COL25A1: variants seen among roughly 807,000 people sequenced by gnomAD.
COL25A1 encodes collagen type XXV alpha 1 chain, also known as collagen alpha-1(XXV) chain.
In COL25A1, 103 loss-of-function variants were observed where a neutral mutation model predicts 128.4. The ratio of observed to expected loss-of-function variants is 0.80; its 90% confidence interval spans 0.68 to 0.94. The LOEUF (loss-of-function observed/expected upper bound fraction) is 0.94. Among genes scored for constraint, COL25A1 ranks in the 40% least tolerant of loss-of-function variants. The probability of loss-of-function intolerance (pLI) is 0.00; values close to 1 mark genes in which losing one functional copy is unlikely to be tolerated. For synonymous variants in COL25A1, 279 were observed against 277.2 expected, an observed-to-expected ratio of 1.01 and a Z score of -0.06; for missense variants, 745 against 840.0, an observed-to-expected ratio of 0.89 and a Z score of 1.40.
chr4:109,238,294 G>A (rs1779605605), intron 3 of COL25A1, among the ~76,000 whole-genome samples: 1 of 151,988 alleles, frequency 6.6e-6, no homozygotes. Context: ...TTTAGGGAGA[G>A]AATAGCGAAA....
chr4:109,167,558 T>C (rs957993729), intron 3 of COL25A1, among the ~76,000 whole-genome samples: 3 of 152,128 alleles, frequency 2.0e-5, no homozygotes, highest in African/African-American at 7.2e-5. Flanking sequence ...TAATTACATT[T>C]GTAACTGTAA....
intron 3 of COL25A1, among the ~76,000 whole-genome samples, chr4:109,193,683 T>A (rs1775798511): frequency 6.6e-6 from 1 of 152,204 alleles, no homozygotes; most frequent in South Asian, 2.1e-4. Flanking sequence ...AGACCCCTAA[T>A]ATTTCATTGC....
chr4:109,283,230 C>T (rs946743418), intron 3 of COL25A1, among the ~76,000 whole-genome samples: 5 of 152,150 alleles, frequency 3.3e-5, no homozygotes, highest in Admixed American at 3.3e-4. Context: ...GGTCACTGAA[C>T]AAAATGCGAA....
chr4:108,977,234 G>A (rs547075215), intron 6 of COL25A1, among the ~76,000 whole-genome samples: 1 of 152,266 alleles, frequency 6.6e-6, no homozygotes, highest in East Asian at 1.9e-4. Flanking sequence ...GAATAGAGGA[G>A]GAGTGAGGAG....
At chr4:109,231,556 G>T (rs1336518832) in intron 3 of COL25A1, among the ~76,000 whole-genome samples, 1 of 152,166 alleles carries the variant, frequency 6.6e-6, no homozygotes, top group African/African-American at 2.4e-5. Flanking sequence ...TACATGACGT[G>T]AGGTGTGTGG....
At chr4:109,017,667 T>C (rs968383199) in intron 5 of COL25A1, among the ~76,000 whole-genome samples, 4 of 152,242 alleles carry the variant, frequency 2.6e-5, no homozygotes, top group Admixed American at 2.6e-4. Flanking sequence ...AGAAAAGTTG[T>C]AGTTTTAAAG....
chr4:108,913,947 G>A (rs2125888475), intron 13 of COL25A1, among the ~76,000 whole-genome samples: 1 of 152,292 alleles, frequency 6.6e-6, no homozygotes, highest in East Asian at 1.9e-4. Context: ...CGCGCATGGT[G>A]GGGGAAAGAA....
At chr4:109,296,096 T>C (rs918344951) in intron 3 of COL25A1, among the ~76,000 whole-genome samples, 3 of 152,078 alleles carry the variant, frequency 2.0e-5, no homozygotes, top group African/African-American at 7.2e-5. Context: ...CATCCTCCTG[T>C]CTACAACAAC....
chr4:109,107,101 T>C (rs931859971), intron 3 of COL25A1, among the ~76,000 whole-genome samples: 2 of 152,202 alleles, frequency 1.3e-5, no homozygotes, highest in Non-Finnish European at 2.9e-5. Context: ...CAAAAAGTTT[T>C]TTTTAAACTT....
Position 108,869,209 on chromosome 4 carries a change from TAAATAAATAAATA to T in COL25A1, c.1021-72_1021-60del, listed in dbSNP as rs1025712271. 68 of 776,884 alleles carry T rather than the reference TAAATAAATAAATA, an allele frequency of 8.8e-5. 1 individual carries two copies. Among genetic ancestry groups the T allele is most frequent in the East Asian group, 4.0e-4 (11 of 27,732 alleles). 48.1% of individuals were successfully genotyped at this position (776,884 alleles called of 1,614,324 possible). A position where few individuals can be genotyped will look rare whatever the true frequency, so the allele number is the denominator to read the frequency against. ...ATTTGACAATAAATAAATAAATAAA[TAAATAAATAAATA>T]AAAACTAAACTCATTTTCTTCTACT... On this transcript the variant is annotated intron_variant, in intron 19 of 37. Transcript: ENST00000399132.
At chr4:109,033,788 A>C (rs1244218036) in intron 5 of COL25A1, among the ~76,000 whole-genome samples, 1 of 152,216 alleles carries the variant, frequency 6.6e-6, no homozygotes, top group African/African-American at 2.4e-5. Flanking sequence ...TACACCAAAC[A>C]TCATCAATCT....
At chr4:108,829,448 G>C (rs1230471200) in intron 32 of COL25A1, among the ~76,000 whole-genome samples, 2 of 150,854 alleles carry the variant, frequency 1.3e-5, no homozygotes, top group African/African-American at 2.4e-5. Flanking sequence ...CTATCTATCT[G>C]TGTGTGTGTG....
intron 16 of COL25A1, among the ~76,000 whole-genome samples, chr4:108,890,139 G>A (rs1741307152): frequency 6.6e-6 from 1 of 152,162 alleles, no homozygotes; most frequent in East Asian, 1.9e-4. Context: ...ATTCATTAAT[G>A]CCATCAGCTA....
chr4:108,830,193 CCAAAAGTATTTTTCAACCT>C (rs1560712183), intron 32 of COL25A1, among the ~76,000 whole-genome samples: 1 of 152,082 alleles, frequency 6.6e-6, no homozygotes, highest in Non-Finnish European at 1.5e-5. Context: ...TTAAGCAATT[CCAAAAGTATTTTTCAACCT>C]CTCAAGCTTA....
intron 3 of COL25A1, among the ~76,000 whole-genome samples, chr4:109,218,363 T>TG (rs1560887143): frequency 1.5e-5 from 2 of 135,758 alleles, no homozygotes; most frequent in African/African-American, 5.8e-5. Flanking sequence ...TGGGGTTTTT[T>TG]TTTTTTTTTT....
chr4:108,965,736 T>A lies in COL25A1; in HGVS notation c.492+8631A>T, dbSNP rs111275287. On this transcript the variant is annotated intron_variant, in intron 8 of 37. Transcript: ENST00000399132. ...GAGACAGCGGTAGCAGTAGTGGGTGTAGATGACAACGGGAGAAGCATTAAA... is the reference window on the plus strand; with the variant it reads ...GAGACAGCGGTAGCAGTAGTGGGTGAAGATGACAACGGGAGAAGCATTAAA... 6.7e-3 allele frequency among the ~76,000 whole-genome samples: 1,025 copies of A among 152,266 alleles called. 13 individuals are homozygous for A. Among genetic ancestry groups the A allele is most frequent in the African/African-American group, 0.024 (991 of 41,538 alleles).
intron 6 of COL25A1, 104 bp downstream of exon 6, chr4:109,010,254 A>T (rs924296263): frequency 5.5e-6 from 5 of 903,278 alleles, no homozygotes; most frequent in Admixed American, 5.6e-5. Flanking sequence ...TGTTGTGATT[A>T]TCAGTTCATA....
chr4:109,149,028 C>G (rs916329143), intron 3 of COL25A1, among the ~76,000 whole-genome samples: 1 of 152,206 alleles, frequency 6.6e-6, no homozygotes, highest in Non-Finnish European at 1.5e-5. Flanking sequence ...ACAAGTTTAT[C>G]ATCACAACAT....
intron 3 of COL25A1, among the ~76,000 whole-genome samples, chr4:109,157,455 A>G (rs1040057394): frequency 5.3e-5 from 8 of 152,198 alleles, no homozygotes; most frequent in Non-Finnish European, 8.8e-5. Context: ...AACTTTAGGT[A>G]CTTCCTGTGG....
Sources: gnomAD v4.1 joint callset for allele counts (sites outside exome capture counted in the v4.1 genomes callset) on GRCh38, gnomAD v4.1.1 for gene constraint, MANE v1.5 for transcripts, NCBI Gene and HGNC (gene_info 2026-07-23, HGNC 2026-07-21) for gene names.